RCOR1: variants seen among roughly 807,000 people sequenced by gnomAD.
The protein encoded by RCOR1 is REST corepressor 1, also known as REST corepressor.
A neutral mutation model predicts 64.0 loss-of-function variants in RCOR1; 12 were observed. The observed-to-expected ratio is 0.19, with a 90% confidence interval of 0.12 to 0.30. The LOEUF is 0.30. Ranked by LOEUF, RCOR1 falls within the 10% of genes least tolerant of loss-of-function variation. RCOR1 has a pLI of 1.00. For synonymous variants in RCOR1, 279 were observed against 227.2 expected (o/e 1.23, Z -2.05); for missense variants, 502 against 621.2 (o/e 0.81, Z 2.04).
chr14:102,690,467 T>C (rs565037819), intron 3 of RCOR1, among the ~76,000 whole-genome samples: 1 of 152,122 alleles, frequency 6.6e-6, no homozygotes, highest in Non-Finnish European at 1.5e-5. Context: ...GGTGCACACC[T>C]GTAGTCCCAG....
At chr14:102,706,440 T>C (rs931343069) in intron 4 of RCOR1, among the ~76,000 whole-genome samples, 2 of 152,100 alleles carry the variant, frequency 1.3e-5, no homozygotes, top group African/African-American at 4.8e-5. Context: ...TCAGTCAAAA[T>C]AGACTTTAAA....
intron 2 of RCOR1, among the ~76,000 whole-genome samples, chr14:102,606,322 A>G (rs917666396): frequency 1.3e-5 from 2 of 152,074 alleles, no homozygotes; most frequent in Non-Finnish European, 2.9e-5. Flanking sequence ...TTGGCCTCCC[A>G]CAGTGCTGGG....
At chr14:102,667,381 A>G (rs1894935671) in intron 2 of RCOR1, among the ~76,000 whole-genome samples, 1 of 151,948 alleles carries the variant, frequency 6.6e-6, no homozygotes, top group Admixed American at 6.6e-5. Flanking sequence ...GGTGCCTGTA[A>G]TCCCAGCTGC....
At chr14:102,601,078 A>G (rs149821483) in intron 2 of RCOR1, among the ~76,000 whole-genome samples, 14,867 of 151,982 alleles carry the variant, frequency 0.098, 778 homozygotes, top group Middle Eastern at 0.17. Flanking sequence ...AATCCCAGCT[A>G]CTCAGAAGGC....
chr14:102,673,428 C>T, intron 2 of RCOR1, among the ~76,000 whole-genome samples: 1 of 151,484 alleles, frequency 6.6e-6, no homozygotes, highest in East Asian at 1.9e-4. Flanking sequence ...GCTCCGTCTC[C>T]TGGGTTCACG....
At chr14:102,670,129 T>A (rs1895001823) in intron 2 of RCOR1, among the ~76,000 whole-genome samples, 1 of 152,176 alleles carries the variant, frequency 6.6e-6, no homozygotes, top group South Asian at 2.1e-4. Flanking sequence ...TTTTATATTT[T>A]TAGTAGAGAC....
At chr14:102,675,075 A>G (rs1259275884) in intron 2 of RCOR1, among the ~76,000 whole-genome samples, 1 of 149,852 alleles carries the variant, frequency 6.7e-6, no homozygotes, top group Admixed American at 6.6e-5. Context: ...AAAAAAAGTC[A>G]ACTTTAAACA....
Position 102,592,695 on chromosome 14 carries a change from G to C in RCOR1, c.-192G>C. 8.1e-7 allele frequency: 1 copy of C among 1,227,954 alleles called. No individual in the cohort carries two copies. The highest frequency in any genetic ancestry group is 1.0e-6 in the Non-Finnish European group (1 of 985,560). The allele number at this position is 1,227,954 out of a possible 1,614,324, so 76.1% of individuals were successfully genotyped here. A position where few individuals can be genotyped will look rare whatever the true frequency, so the allele number is the denominator to read the frequency against. Reference sequence around the variant, plus strand: ...GCGATGAGAGCGAAAGTTGCGCTCGGCTCGTCGCTGGGGGCTTGAAGCGGC... The same window carrying C: ...GCGATGAGAGCGAAAGTTGCGCTCGCCTCGTCGCTGGGGGCTTGAAGCGGC... On this transcript the variant is annotated 5_prime_UTR_variant, in exon 1 of 12. Coordinates refer to ENST00000262241, the MANE Select transcript of RCOR1 (RefSeq NM_015156.4).
chr14:102,593,975 G>A (rs1051958115), intron 2 of RCOR1, among the ~76,000 whole-genome samples: 17 of 152,152 alleles, frequency 1.1e-4, no homozygotes, highest in African/African-American at 3.1e-4. Flanking sequence ...TTTTTTGGAG[G>A]AAGAGATTGT....
intron 3 of RCOR1, among the ~76,000 whole-genome samples, chr14:102,684,743 T>A (rs1389622639): frequency 1.3e-5 from 2 of 152,212 alleles, no homozygotes; most frequent in African/African-American, 4.8e-5. Context: ...TATGTATTTA[T>A]ATAAGTGAGA....
chr14:102,650,843 T>G, intron 2 of RCOR1: 1 of 234,028 alleles, frequency 4.3e-6, no homozygotes, highest in Non-Finnish European at 7.0e-6. Context: ...AGGAACTGAC[T>G]TGAGATATTT....
chr14:102,713,050 G>A (rs1895993946), intron 7 of RCOR1, among the ~76,000 whole-genome samples: 1 of 145,896 alleles, frequency 6.9e-6, no homozygotes, highest in African/African-American at 2.6e-5. Flanking sequence ...TGCCTCCCAG[G>A]TTCAAGCAGT....
intron 2 of RCOR1, chr14:102,655,382 C>G (rs1894702040): frequency 1.0e-6 from 1 of 985,108 alleles, no homozygotes; most frequent in South Asian, 4.7e-5. Flanking sequence ...GCATTTTTCC[C>G]TTTGTGAAGC....
At position 102,592,745 on chromosome 14, in the gene RCOR1, C is replaced by T. The variant is rs1341894383; in HGVS notation, c.-142C>T. 3 of 1,219,578 alleles carry T rather than the reference C, an allele frequency of 2.5e-6. No individual in the cohort carries two copies. The highest frequency in any genetic ancestry group is 4.3e-5 in the Admixed American group (1 of 23,210). 75.5% of individuals were successfully genotyped at this position (1,219,578 alleles called of 1,614,324 possible). On this transcript the variant is annotated 5_prime_UTR_variant, in exon 1 of 12. Coordinates refer to ENST00000262241, the MANE Select transcript of RCOR1 (RefSeq NM_015156.4). ...CTCCGCGCTCTGCCCGTTTGGGCCT[C>T]CCCCGACTCGGACTCGCGCCCGTGG...
intron 2 of RCOR1, among the ~76,000 whole-genome samples, chr14:102,661,448 C>T (rs1175829759): frequency 6.6e-6 from 1 of 152,202 alleles, no homozygotes; most frequent in Non-Finnish European, 1.5e-5. Flanking sequence ...GGTAGTACTT[C>T]CATCCTCTTT....
intron 2 of RCOR1, among the ~76,000 whole-genome samples, chr14:102,652,569 C>G (rs1405063399): frequency 6.6e-6 from 1 of 152,138 alleles, no homozygotes; most frequent in Non-Finnish European, 1.5e-5. Context: ...TCAAATGTTA[C>G]ACCATCCACC....
intron 3 of RCOR1, among the ~76,000 whole-genome samples, chr14:102,692,714 T>TTCCTTCCTTCCTTCCTTCCC (rs1895560068): frequency 9.1e-6 from 1 of 109,450 alleles, no homozygotes; most frequent in Non-Finnish European, 1.8e-5. Context: ...ACATCTCTCC[T>TTCCTTCCTTCCTTCCTTCCC]TCCTTCCTTC....
intron 2 of RCOR1, among the ~76,000 whole-genome samples, chr14:102,611,860 C>CTTGAA (rs1190723078): frequency 1.3e-5 from 2 of 152,148 alleles, no homozygotes; most frequent in African/African-American, 4.8e-5. Flanking sequence ...GAGAAGGTGT[C>CTTGAA]TTGCTCTGTC....
At chr14:102,700,538 T>A (rs186655830) in intron 3 of RCOR1, among the ~76,000 whole-genome samples, 76 of 152,332 alleles carry the variant, frequency 5.0e-4, no homozygotes, top group African/African-American at 1.6e-3. Context: ...TAATTATTTT[T>A]AAAAATTATT....
Sources: allele counts gnomAD v4.1 joint callset (sites outside exome capture counted in the v4.1 genomes callset), GRCh38; gene constraint gnomAD v4.1.1; transcripts MANE v1.5; gene names NCBI Gene and HGNC (gene_info 2026-07-23, HGNC 2026-07-21).